ATP13A4: variants seen among roughly 807,000 people sequenced by gnomAD.
ATP13A4 encodes the protein ATPase 13A4, also known as probable cation-transporting ATPase 13A4.
Under a neutral mutation model 142.5 loss-of-function variants are expected in ATP13A4, and 114 were observed. The ratio of observed to expected loss-of-function variants is 0.80; its 90% CI spans 0.69 to 0.93. ATP13A4 has a LOEUF of 0.93. Among genes scored for constraint, ATP13A4 ranks in the 40% least tolerant of loss-of-function variants. ATP13A4 has a pLI of 0.00. For missense variants in ATP13A4, 1,392 were observed against 1,454.0 expected (o/e 0.96, Z 0.69); for synonymous variants, 488 against 514.8 (o/e 0.95, Z 0.70).
chr3:193,515,314 A>G (rs1321385890), intron 1 of ATP13A4, among the ~76,000 whole-genome samples: 5 of 152,162 alleles, frequency 3.3e-5, no homozygotes, highest in African/African-American at 1.2e-4. Context: ...TAAGATTCCA[A>G]TCCAGGTCTG....
intron 2 of ATP13A4, among the ~76,000 whole-genome samples, chr3:193,573,155 T>C (rs1032686308): frequency 1.3e-5 from 2 of 150,026 alleles, no homozygotes; most frequent in African/African-American, 2.5e-5. Context: ...TGATATAATG[T>C]TTAGCAAAAC....
At chr3:193,588,167 G>A (rs1371246906) in intron 1 of ATP13A4, among the ~76,000 whole-genome samples, 2 of 152,152 alleles carry the variant, frequency 1.3e-5, no homozygotes, top group Non-Finnish European at 2.9e-5. Context: ...ATAAAATAAT[G>A]TGGATTTAAT....
chr3:193,430,170 T>C (rs528699463), intron 25 of ATP13A4, among the ~76,000 whole-genome samples: 2 of 152,222 alleles, frequency 1.3e-5, no homozygotes, highest in South Asian at 4.1e-4. Flanking sequence ...AGAAGGACTG[T>C]TCTGGAGAAA....
intron 7 of ATP13A4, among the ~76,000 whole-genome samples, chr3:193,487,301 A>C (rs1577014441): frequency 6.6e-6 from 1 of 152,220 alleles, no homozygotes; most frequent in African/African-American, 2.4e-5. Context: ...AAGACCTAAT[A>C]AAAATTAATA....
intron 1 of ATP13A4, among the ~76,000 whole-genome samples, chr3:193,531,324 A>AAGGAAGGAAGGAAGGG (rs1722318995): frequency 8.5e-6 from 1 of 118,130 alleles, no homozygotes; most frequent in African/African-American, 3.2e-5. Context: ...GGAAGGAAGG[A>AAGGAAGGAAGGAAGGG]AGGAAGGAAG....
At chr3:193,580,285 C>G (rs1724510465) in intron 2 of ATP13A4, among the ~76,000 whole-genome samples, 1 of 152,140 alleles carries the variant, frequency 6.6e-6, no homozygotes, top group African/African-American at 2.4e-5. Context: ...AACTGGGAGA[C>G]AGTAAGTCCC....
intron 23 of ATP13A4, among the ~76,000 whole-genome samples, chr3:193,436,633 A>G (rs919669420): frequency 6.6e-6 from 1 of 151,318 alleles, no homozygotes; most frequent in Non-Finnish European, 1.5e-5. Flanking sequence ...TGTATTTTTA[A>G]TAGAGACTGG....
intron 1 of ATP13A4, among the ~76,000 whole-genome samples, chr3:193,550,017 A>T (rs966646415): frequency 6.6e-6 from 1 of 152,318 alleles, no homozygotes; most frequent in South Asian, 2.1e-4. Context: ...CAATATGTTC[A>T]GTGATGTGCT....
intron 1 of ATP13A4, among the ~76,000 whole-genome samples, chr3:193,525,284 G>A (rs1185103995): frequency 1.3e-5 from 2 of 152,156 alleles, no homozygotes; most frequent in African/African-American, 4.8e-5. Flanking sequence ...TTTTAGAGAA[G>A]AAAGCTGAAA....
At chr3:193,405,215 T>C (rs917816077) in intron 29 of ATP13A4, among the ~76,000 whole-genome samples, 2 of 152,216 alleles carry the variant, frequency 1.3e-5, no homozygotes, top group Non-Finnish European at 2.9e-5. Flanking sequence ...AACTTCCTGC[T>C]AGAGGATTAA....
At chr3:193,457,259 GTC>G (rs1576983502) in intron 15 of ATP13A4, 106 bp from the exon 16 acceptor site, 1 of 1,573,602 alleles carries the variant, frequency 6.4e-7, no homozygotes, top group East Asian at 2.2e-5. Context: ...AAGGGGGAAG[GTC>G]TCACCCATTT....
At chr3:193,558,206 T>G (rs187518587), upstream of ATP13A4, among the ~76,000 whole-genome samples, 5 of 152,374 alleles carry the variant, frequency 3.3e-5, no homozygotes, top group East Asian at 9.6e-4. Context: ...ACAGTTTTCT[T>G]GAACCTTCTA....
At position 193,554,769 on chromosome 3, in the gene ATP13A4, G is replaced by C; in HGVS notation, c.31C>G (p.Leu11Val). 1 of 1,613,998 alleles carries C rather than the reference G, an allele frequency of 6.2e-7. No individual in the cohort carries two copies. The highest frequency in any genetic ancestry group is 8.5e-7 in the Non-Finnish European group (1 of 1,180,026). ...TCATTCTCTTCTCCTTCATTGAGCA[G>C]AGCGTGCTGGCCCTTCTCAAAGTGT... MGHFEKGQHA[L>V]LNEGEENEME... The change falls in exon 1 of 30, where the codon CTG becomes GTG. Residue 11 changes from leucine (L) to valine (V), a missense_variant. Physicochemically the swap from Leu to Val is conservative, Grantham distance 32. Coordinates refer to ENST00000342695, the MANE Select transcript of ATP13A4 (RefSeq NM_032279.4).
rs1261197260 is a variant in ATP13A4 at position 193,399,875 on chromosome 3, A to G, written c.*2777T>C. 2.1e-5 allele frequency among the ~76,000 whole-genome samples: 3 copies of G among 146,144 alleles called. No individual in the cohort carries two copies. Among genetic ancestry groups the G allele is most frequent in the Non-Finnish European group, 4.5e-5 (3 of 66,672 alleles). Reference sequence around the variant, plus strand: ...AAAAAAAAAAAAAAAAAAGGTTCACATCACAGCATAAGACTGAGACACTGG... The same window carrying G: ...AAAAAAAAAAAAAAAAAAGGTTCACGTCACAGCATAAGACTGAGACACTGG... On this transcript the variant is annotated 3_prime_UTR_variant, in exon 30 of 30. Transcript: ENST00000342695.
Position 193,441,518 on chromosome 3 carries a change from G to C in ATP13A4, c.2387C>G (p.Thr796Ser). 6.2e-7 allele frequency: 1 copy of C among 1,613,736 alleles called. No individual in the cohort carries two copies. Among genetic ancestry groups the C allele is most frequent in the South Asian group, 1.1e-5 (1 of 91,078 alleles). The change falls in exon 20 of 30, where the codon ACT becomes AGT. Residue 796 changes from threonine to serine, a missense_variant. By Grantham distance (58) the Thr-to-Ser change is moderately conservative. Transcript: ENST00000342695. ...GREGSYHFALTGKSFHVISQH... is the reference protein window; with the variant it reads ...GREGSYHFALSGKSFHVISQH... The stretch of plus-strand genomic sequence containing the variant: ...ACTTATAACATGAAAGGATTTTCCA[G>C]TTAGGGCAAAATGGTAACTTCCTTC...
intron 2 of ATP13A4, among the ~76,000 whole-genome samples, chr3:193,562,572 T>A (rs949538382): frequency 6.6e-6 from 1 of 152,150 alleles, no homozygotes; most frequent in Admixed American, 6.5e-5. Context: ...CAATTTCAAA[T>A]ATAGAATCAT....
intron 1 of ATP13A4, among the ~76,000 whole-genome samples, chr3:193,537,547 C>T (rs1020379598): frequency 6.6e-6 from 1 of 152,004 alleles, no homozygotes; most frequent in East Asian, 1.9e-4. Context: ...ATCTTAGGAG[C>T]AAAAGACTTG....
intron 2 of ATP13A4, 138 bp downstream of exon 2, chr3:193,514,560 T>C: frequency 9.0e-7 from 1 of 1,109,706 alleles, no homozygotes; most frequent in Non-Finnish European, 1.3e-6. Context: ...GATGCAAGGC[T>C]GTGATGAAAC....
intron 1 of ATP13A4, among the ~76,000 whole-genome samples, chr3:193,588,904 T>C (rs1317269165): frequency 1.3e-5 from 2 of 152,114 alleles, no homozygotes; most frequent in Non-Finnish European, 2.9e-5. Context: ...CTTTGGAAGG[T>C]TGAGGCAGGC....
Sources: allele counts gnomAD v4.1 joint callset (sites outside exome capture counted in the v4.1 genomes callset), GRCh38; gene constraint gnomAD v4.1.1; transcripts MANE v1.5; gene names NCBI Gene and HGNC (gene_info 2026-07-23, HGNC 2026-07-21).